SCN8A: variants seen among roughly 807,000 people sequenced by gnomAD.
SCN8A encodes the protein sodium channel protein type 8 subunit alpha.
SCN8A carries 30 observed loss-of-function variants against 184.1 expected under a neutral mutation model. The ratio of observed to expected loss-of-function variants is 0.16; its 90% confidence interval spans 0.12 to 0.22. The LOEUF (loss-of-function observed/expected upper bound fraction) is 0.22, where lower values mean the gene tolerates loss of function less well. SCN8A is among the 10% of genes least tolerant of loss of function. The pLI, the probability that SCN8A is intolerant of heterozygous loss-of-function variation, is 1.00. For missense variants in SCN8A, 1,057 were observed against 2,498.9 expected (o/e 0.42, Z 12.30); for synonymous variants, 852 against 907.0 (o/e 0.94, Z 1.09).
At chr12:51,768,661 G>T (rs1024828126) in intron 16 of SCN8A, among the ~76,000 whole-genome samples, 1 of 152,138 alleles carries the variant, frequency 6.6e-6, no homozygotes, top group Non-Finnish European at 1.5e-5. Context: ...AAGAAAAGAG[G>T]TGCTAAACTC....
At chr12:51,781,402 C>A (rs1937917411) in intron 21 of SCN8A, among the ~76,000 whole-genome samples, 1 of 152,124 alleles carries the variant, frequency 6.6e-6, no homozygotes, top group African/African-American at 2.4e-5. Context: ...TTCCTCACCC[C>A]CAACCCCTCT....
rs1407283442 is a variant in SCN8A, at chr12:51,721,634, G to A, written c.1724G>A (p.Arg575Gln). 1.2e-6 allele frequency: 2 copies of A among 1,612,420 alleles called. No homozygotes were observed. Among genetic ancestry groups the A allele is most frequent in the South Asian group, 1.1e-5 (1 of 90,626 alleles). The change falls in exon 12 of 27, where the codon CGA becomes CAA. Residue 575 changes from arginine (R) to glutamine (Q), a missense_variant. Arg to Gln is a conservative substitution (Grantham distance 43, BLOSUM62 1). Coordinates refer to ENST00000627620, the MANE Select transcript of SCN8A (RefSeq NM_001330260.2). Reference sequence around the variant, plus strand: ...AGTTTCAGGGGACCTGGGCGGTTCCGAGACCCGGGCTCCGAGAATGAGTTC... The same window carrying A: ...AGTTTCAGGGGACCTGGGCGGTTCCAAGACCCGGGCTCCGAGAATGAGTTC... ...IFSFRGPGRF[R>Q]DPGSENEFAD... is the part of the protein sequence containing the mutation.
At position 51,676,960 on chromosome 12, in the gene SCN8A, C is replaced by A. The variant is rs1318779529; in HGVS notation, c.277-7214C>A. On this transcript the variant is annotated intron_variant, in intron 2 of 26. Transcript: ENST00000627620. ...ACCAGGGAATGGATAATAAATATTT[C>A]TCGAAGAAGCTTTCTCTTCTATGAT... is the stretch of plus-strand genomic sequence containing the variant. Among the ~76,000 whole-genome samples, 4 of 152,176 alleles carry A rather than the reference C, an allele frequency of 2.6e-5. No individual in the cohort carries two copies. In the East Asian group the frequency reaches 7.7e-4, roughly 29 times the overall value.
At chr12:51,712,678 T>A (rs2138762640) in intron 11 of SCN8A, 1 of 841,520 alleles carries the variant, frequency 1.2e-6, no homozygotes, top group Non-Finnish European at 2.1e-6. Context: ...CATCATATCC[T>A]CCACCACCGC....
intron 20 of SCN8A, among the ~76,000 whole-genome samples, chr12:51,777,197 C>T (rs1937730850): frequency 6.6e-6 from 1 of 152,140 alleles, no homozygotes; most frequent in African/African-American, 2.4e-5. Flanking sequence ...GGAAAAATCA[C>T]CTAATGTCTT....
intron 13 of SCN8A, among the ~76,000 whole-genome samples, chr12:51,750,641 GATA>G (rs942492303): frequency 6.6e-6 from 1 of 152,178 alleles, no homozygotes; most frequent in African/African-American, 2.4e-5. Context: ...TGCTAATGAA[GATA>G]ATAATAATAG....
At chr12:51,783,797 A>T (rs1176093981) in intron 21 of SCN8A, among the ~76,000 whole-genome samples, 2 of 152,244 alleles carry the variant, frequency 1.3e-5, no homozygotes, top group Non-Finnish European at 2.9e-5. Context: ...GAGCAACAAT[A>T]ATGTCCGAGA....
chr12:51,634,292 C>T (rs1298488685), intron 1 of SCN8A, among the ~76,000 whole-genome samples: 1 of 151,952 alleles, frequency 6.6e-6, no homozygotes, highest in Non-Finnish European at 1.5e-5. Flanking sequence ...AATACATAAC[C>T]CTGCAAGAGA....
intron 1 of SCN8A, among the ~76,000 whole-genome samples, chr12:51,619,216 C>T (rs543289246): frequency 1.3e-5 from 2 of 152,116 alleles, no homozygotes; most frequent in South Asian, 2.1e-4. Context: ...GAGAAGGCCT[C>T]GTTCTTTTTA....
intron 1 of SCN8A, among the ~76,000 whole-genome samples, chr12:51,644,698 C>T (rs544410511): frequency 6.0e-5 from 9 of 151,254 alleles, no homozygotes; most frequent in East Asian, 2.0e-4. Context: ...GGCCGCCCAT[C>T]GTCTGGGATG....
chr12:51,758,959 T>C (rs1942721679), intron 14 of SCN8A, among the ~76,000 whole-genome samples: 1 of 150,994 alleles, frequency 6.6e-6, no homozygotes, highest in Middle Eastern at 3.4e-3. Flanking sequence ...TACACACACA[T>C]ATACACATAC....
At position 51,745,971 on chromosome 12, in the gene SCN8A, C is replaced by T. The variant is rs773463881; in HGVS notation, c.2067C>T (p.Ala689=). 4.3e-6 allele frequency: 7 copies of T among 1,611,600 alleles called. No individual in the cohort carries two copies. Among genetic ancestry groups the T allele is most frequent in the South Asian group, 1.1e-5 (1 of 90,616 alleles). Residue 689 remains alanine (A), a synonymous_variant, in exon 13 of 27, where the codon GCC becomes GCT. Coordinates refer to ENST00000627620, the MANE Select transcript of SCN8A (RefSeq NM_001330260.2). The part of the protein sequence containing the change: ...GSLLVSMDQL[A]SYGRKDRINS... ...TTTTAGTTTCCATGGACCAATTAGC[C>T]TCCTACGGGCGGAAGGACAGAATCA...
At chr12:51,684,313 G>A in intron 3 of SCN8A, 21 bp downstream of exon 3, 1 of 1,128,236 alleles carries the variant, frequency 8.9e-7, no homozygotes, top group Non-Finnish European at 1.4e-6. Context: ...CGGCAAATGT[G>A]GAGTGAGTGC....
chr12:51,796,726 C>G (rs1457807770), intron 26 of SCN8A, among the ~76,000 whole-genome samples: 1 of 152,162 alleles, frequency 6.6e-6, no homozygotes. Flanking sequence ...AGTAGGGAAG[C>G]TGACAGTGCA....
intron 12 of SCN8A, among the ~76,000 whole-genome samples, chr12:51,731,227 CT>C (rs1232535303): frequency 1.3e-5 from 2 of 150,876 alleles, no homozygotes; most frequent in African/African-American, 5.0e-5. Flanking sequence ...ATACTGATTT[CT>C]TTTTTCTTTT....
In SCN8A at chr12:51,652,490, C is replaced by T. The variant is rs144901810; in HGVS notation, c.-54-10274C>T. 1.4e-3 allele frequency among the ~76,000 whole-genome samples: 220 copies of T among 152,254 alleles called. 1 individual carries two copies. The highest frequency in any genetic ancestry group is 2.4e-3 in the Non-Finnish European group (165 of 68,024). On this transcript the variant is annotated intron_variant, in intron 1 of 26. Coordinates refer to ENST00000627620, the MANE Select transcript of SCN8A (RefSeq NM_001330260.2). ...GAAGCTTTCATTATCTCCTTATTGC[C>T]TTCAGAATAAAAGCAAAACTCCTTC...
At chr12:51,770,762 A>G (rs1942914177) in intron 19 of SCN8A, 79 bp downstream of exon 19, 1 of 1,451,176 alleles carries the variant, frequency 6.9e-7, no homozygotes, top group South Asian at 1.2e-5. Flanking sequence ...GCTGAGGCCA[A>G]AGCCCAGTGG....
chr12:51,754,517 A>G (rs1942644206), intron 14 of SCN8A, among the ~76,000 whole-genome samples: 1 of 152,142 alleles, frequency 6.6e-6, no homozygotes, highest in Non-Finnish European at 1.5e-5. Flanking sequence ...TTGGAATGTG[A>G]GGCTTTTCCT....
At chr12:51,644,914 TCCG>T (rs1940535557) in intron 1 of SCN8A, among the ~76,000 whole-genome samples, 1 of 147,798 alleles carries the variant, frequency 6.8e-6, no homozygotes, top group Non-Finnish European at 1.5e-5. Context: ...GAGGAGACCC[TCCG>T]CCCGGCAGCC....
Sources: gnomAD v4.1 joint callset for allele counts (sites outside exome capture counted in the v4.1 genomes callset) on GRCh38, gnomAD v4.1.1 for gene constraint, MANE v1.5 for transcripts, NCBI Gene and HGNC (gene_info 2026-07-23, HGNC 2026-07-21) for gene names.